The following FER1L6 variants were observed in gnomAD, a reference collection of about 807,000 sequenced individuals.
FER1L6 encodes the protein fer-1 like family member 6.
In FER1L6, 177 loss-of-function variants were observed where a neutral mutation model predicts 219.2. The observed-to-expected ratio is 0.81, with a 90% CI of 0.71 to 0.91. The LOEUF (loss-of-function observed/expected upper bound fraction) is 0.91, where lower values mean the gene tolerates loss of function less well. Among genes scored for constraint, FER1L6 ranks in the 40% least tolerant of loss-of-function variants. The probability of loss-of-function intolerance (pLI) is 0.00; values close to 1 mark genes in which losing one functional copy is unlikely to be tolerated. For synonymous variants in FER1L6, 768 were observed against 824.3 expected (o/e 0.93, Z 1.17); for missense variants, 2,153 against 2,259.9 (o/e 0.95, Z 0.96).
intron 12 of FER1L6, among the ~76,000 whole-genome samples, chr8:124,001,622 A>G (rs1817413772): frequency 6.6e-6 from 1 of 152,216 alleles, no homozygotes. Flanking sequence ...CAGGTATTTT[A>G]GTATTATTCC....
At chr8:124,010,487 C>T in intron 13 of FER1L6, 107 bp from the exon 14 acceptor site, 4 of 1,346,946 alleles carry the variant, frequency 3.0e-6, no homozygotes, top group Admixed American at 4.5e-5. Context: ...GTTTTTTCAT[C>T]ATGCCTCCCG....
chr8:123,957,735 T>C (rs761129149), intron 2 of FER1L6, among the ~76,000 whole-genome samples: 2 of 152,146 alleles, frequency 1.3e-5, no homozygotes, highest in Non-Finnish European at 2.9e-5. Flanking sequence ...GGCGGATACC[T>C]AGGGCAGTCG....
rs1484897121 is a variant in FER1L6 at position 123,855,679 on chromosome 8, ATATG to A, written c.-8+3496_-8+3499del. 1.4e-3 allele frequency among the ~76,000 whole-genome samples: 104 copies of A among 71,830 alleles called. 4 individuals are homozygous for A. Among genetic ancestry groups the A allele is most frequent in the African/African-American group, 1.5e-3 (26 of 17,082 alleles). The allele number at this position is 71,830 out of a possible 152,430, so 47.1% of individuals were successfully genotyped here. On this transcript the variant is annotated intron_variant, in intron 1 of 40. Transcript: ENST00000522917. ...GAAGGAGACTTTTAAAGTGAAAACCATATGTGTGTGTGTGTGTGTGTGTATATGT... is the reference window on the plus strand; with the variant it reads ...GAAGGAGACTTTTAAAGTGAAAACCATGTGTGTGTGTGTGTGTGTATATGT...
At chr8:123,988,077 G>A (rs556360586) in intron 12 of FER1L6, among the ~76,000 whole-genome samples, 2 of 150,398 alleles carry the variant, frequency 1.3e-5, no homozygotes, top group South Asian at 4.2e-4. Context: ...CAGCCTGGGC[G>A]ACAGAGCGCA....
intron 1 of FER1L6, among the ~76,000 whole-genome samples, chr8:123,890,440 C>T (rs1812619651): frequency 1.3e-5 from 2 of 151,494 alleles, no homozygotes; most frequent in Non-Finnish European, 2.9e-5. Context: ...CTTATATATA[C>T]ATATATATAA....
chr8:123,895,995 C>T (rs767607139), intron 1 of FER1L6, among the ~76,000 whole-genome samples: 1 of 152,112 alleles, frequency 6.6e-6, no homozygotes, highest in Non-Finnish European at 1.5e-5. Flanking sequence ...CATGCATAGC[C>T]CAGGCTGTCT....
intron 1 of FER1L6, among the ~76,000 whole-genome samples, chr8:123,898,016 T>G (rs905560273): frequency 9.2e-5 from 14 of 152,106 alleles, no homozygotes; most frequent in African/African-American, 3.1e-4. Context: ...TGGATACTTG[T>G]GGTGAGGCAT....
intron 1 of FER1L6, among the ~76,000 whole-genome samples, chr8:123,881,752 A>G (rs529539070): frequency 5.3e-5 from 8 of 152,278 alleles, no homozygotes; most frequent in African/African-American, 1.9e-4. Flanking sequence ...TGGGGAGAAG[A>G]GACAATTTCT....
At chr8:124,027,002 G>T (rs1215402419) in intron 18 of FER1L6, among the ~76,000 whole-genome samples, 1 of 152,138 alleles carries the variant, frequency 6.6e-6, no homozygotes, top group Non-Finnish European at 1.5e-5. Flanking sequence ...CTAGCTTCTG[G>T]TTGGTTCCAT....
At chr8:124,094,866 A>T in intron 34 of FER1L6, 30 bp from the exon 35 acceptor site, 1 of 1,613,116 alleles carries the variant, frequency 6.2e-7, no homozygotes, top group Non-Finnish European at 8.5e-7. Flanking sequence ...AGGAACACAC[A>T]TCTGACAAGT....
At chr8:123,987,713 G>A (rs1455303226) in intron 12 of FER1L6, among the ~76,000 whole-genome samples, 3 of 152,144 alleles carry the variant, frequency 2.0e-5, no homozygotes, top group Non-Finnish European at 4.4e-5. Flanking sequence ...GTGGAACATA[G>A]GGGTCTAGTT....
chr8:123,955,125 C>T (rs769843402), intron 1 of FER1L6, among the ~76,000 whole-genome samples: 5 of 152,048 alleles, frequency 3.3e-5, no homozygotes, highest in South Asian at 2.1e-4. Context: ...AGGAGGCTTA[C>T]GGGCATGGTG....
At chr8:123,999,215 G>A (rs903625546) in intron 12 of FER1L6, among the ~76,000 whole-genome samples, 1 of 151,632 alleles carries the variant, frequency 6.6e-6, no homozygotes, top group Non-Finnish European at 1.5e-5. Context: ...CAAGGACAGT[G>A]GTGAGTACTG....
At chr8:124,019,403 T>C (rs1818354964) in intron 16 of FER1L6, among the ~76,000 whole-genome samples, 1 of 152,232 alleles carries the variant, frequency 6.6e-6, no homozygotes, top group Non-Finnish European at 1.5e-5. Context: ...ATTTTAATTA[T>C]GTGCATGTAT....
At chr8:123,989,950 A>C (rs145202509) in intron 12 of FER1L6, among the ~76,000 whole-genome samples, 2,532 of 152,252 alleles carry the variant, frequency 0.017, 65 homozygotes, top group East Asian at 0.05. Flanking sequence ...TGCTGGATTG[A>C]ATGGTAGATC....
At chr8:123,871,518 A>G (rs1282982634) in intron 1 of FER1L6, among the ~76,000 whole-genome samples, 2 of 152,276 alleles carry the variant, frequency 1.3e-5, no homozygotes, top group East Asian at 1.9e-4. Context: ...GAAAGATCCA[A>G]TTGAAAGAGG....
intron 11 of FER1L6, 48 bp from the exon 12 acceptor site, chr8:123,986,020 T>C (rs1816560200): frequency 9.5e-7 from 1 of 1,053,772 alleles, no homozygotes; most frequent in East Asian, 2.4e-5. Context: ...AGCTTCCTAA[T>C]GAGAGAAAAA....
intron 1 of FER1L6, among the ~76,000 whole-genome samples, chr8:123,887,092 G>C (rs1353904797): frequency 6.6e-6 from 1 of 152,090 alleles, no homozygotes; most frequent in East Asian, 1.9e-4. Flanking sequence ...TCATCAGATT[G>C]CTTCCTTATC....
chr8:123,986,174 T>A lies in FER1L6; in HGVS notation c.1517T>A (p.Ile506Asn). 1 of 1,587,440 alleles carries A rather than the reference T, an allele frequency of 6.3e-7. No individual in the cohort carries two copies. Among genetic ancestry groups the A allele is most frequent in the Non-Finnish European group, 8.7e-7 (1 of 1,155,680 alleles). ...GDKPISFEVS[I>N]GNFGNLIDGG... ...AAACCCATCAGCTTTGAAGTTTCTA[T>A]TGGTAAGTACAGATAAGCACAGTGC... The change falls in exon 12 of 41, where the codon ATT becomes AAT. Residue 506 changes from isoleucine (I) to asparagine (N), a missense_variant and splice_region_variant. Coordinates refer to ENST00000522917, the MANE Select transcript of FER1L6 (RefSeq NM_001039112.2).
Sources: gnomAD v4.1 joint callset for allele counts (sites outside exome capture counted in the v4.1 genomes callset) on GRCh38, gnomAD v4.1.1 for gene constraint, MANE v1.5 for transcripts, NCBI Gene and HGNC (gene_info 2026-07-23, HGNC 2026-07-21) for gene names.